GPR137B: variants seen among roughly 807,000 people sequenced by gnomAD.
The protein encoded by GPR137B is G protein-coupled receptor 137B, also known as integral membrane protein GPR137B.
A neutral mutation model predicts 42.5 loss-of-function variants in GPR137B; 42 were observed. That is an observed-to-expected ratio of 0.99 (90% CI 0.77 to 1.28). The LOEUF (loss-of-function observed/expected upper bound fraction) is 1.28, where lower values mean the gene tolerates loss of function less well. Among genes scored for constraint, GPR137B ranks in the 50% most tolerant of loss-of-function variants. GPR137B has a pLI of 0.00. For synonymous variants in GPR137B, 218 were observed against 209.7 expected, an observed-to-expected ratio of 1.04 and a Z score of -0.34; for missense variants, 487 against 493.9, an observed-to-expected ratio of 0.99 and a Z score of 0.13.
At chr1:236,205,854 T>C (rs1292560862) in intron 6 of GPR137B, among the ~76,000 whole-genome samples, 1 of 152,196 alleles carries the variant, frequency 6.6e-6, no homozygotes, top group African/African-American at 2.4e-5. Flanking sequence ...AAAAAACTTT[T>C]TAGAAAATGC....
rs532705148 is a variant in GPR137B, at chr1:236,203,718, T to C, written c.967-1408T>C. 9.8e-5 allele frequency among the ~76,000 whole-genome samples: 15 copies of C among 152,348 alleles called. No individual in the cohort carries two copies. The East Asian group carries it at 2.9e-3, about 29-fold the overall frequency. On this transcript the variant is annotated intron_variant, in intron 5 of 6. Transcript: ENST00000366592. ...TTTAAATGTTTTATAGTTTTCATTA[T>C]AGAGCTCTTTCACTTCTTTGTTTAA... is the stretch of plus-strand genomic sequence containing the variant.
chr1:236,203,097 AGAC>A (rs1663543985), intron 5 of GPR137B, among the ~76,000 whole-genome samples: 1 of 151,796 alleles, frequency 6.6e-6, no homozygotes, highest in Non-Finnish European at 1.5e-5. Context: ...TTTTGTTTTG[AGAC>A]AGAGTCTTGC....
At chr1:236,158,148 G>C (rs975594877) in intron 1 of GPR137B, among the ~76,000 whole-genome samples, 3 of 152,200 alleles carry the variant, frequency 2.0e-5, no homozygotes, top group Non-Finnish European at 4.4e-5. Flanking sequence ...CTGGGGCTGG[G>C]CATGGTGGCT....
Position 236,208,486 on chromosome 1 carries a change from ATGT to A in GPR137B, c.*332_*334del, listed in dbSNP as rs1265722038. 9.2e-5 allele frequency: 82 copies of A among 893,762 alleles called. No individual in the cohort carries two copies. Among genetic ancestry groups the A allele is most frequent in the East Asian group, 1.5e-4 (2 of 12,994 alleles). The allele number at this position is 893,762 out of a possible 1,614,324, so 55.4% of individuals were successfully genotyped here. ...TTTTCTTGAGAATGTTACTGCAATC[ATGT>A]TGTAGTTTGCACAGACTTTTATGCA... On this transcript the variant is annotated 3_prime_UTR_variant, in exon 7 of 7. Coordinates refer to ENST00000366592, the MANE Select transcript of GPR137B (RefSeq NM_003272.4).
chr1:236,170,039 C>CAAAAAAAA (rs11346365), intron 2 of GPR137B, among the ~76,000 whole-genome samples: 1 of 36,842 alleles, frequency 2.7e-5, no homozygotes, highest in Non-Finnish European at 7.5e-5. Flanking sequence ...GAATCCATCT[C>CAAAAAAAA]AAAAAAAAAA....
At chr1:236,168,419 G>C (rs946209938) in intron 1 of GPR137B, among the ~76,000 whole-genome samples, 5 of 136,266 alleles carry the variant, frequency 3.7e-5, no homozygotes, top group African/African-American at 1.4e-4. Context: ...GTGAAATTCT[G>C]TCTCGAAAAA....
rs1456574948 is a variant in GPR137B, at chr1:236,149,861, TATGTGC to T, written c.414+6831_414+6836del. 2.6e-5 allele frequency among the ~76,000 whole-genome samples: 4 copies of T among 152,256 alleles called. No homozygotes were observed. In the East Asian group the frequency reaches 5.8e-4, roughly 22 times the overall value. ...ACCTAGGTGTGCGCCTTTGTATGTG[TATGTGC>T]ATGTGTGCCTGTGTGCACCTGTGTG... On this transcript the variant is annotated intron_variant, in intron 1 of 6. Coordinates refer to ENST00000366592, the MANE Select transcript of GPR137B (RefSeq NM_003272.4).
At chr1:236,187,991 C>T (rs1663081647) in intron 5 of GPR137B, among the ~76,000 whole-genome samples, 2 of 152,124 alleles carry the variant, frequency 1.3e-5, no homozygotes, top group South Asian at 4.1e-4. Context: ...TTGTTTGTGT[C>T]CTCTCTTATT....
intron 4 of GPR137B, among the ~76,000 whole-genome samples, chr1:236,180,859 C>T (rs1455492059): frequency 6.6e-6 from 1 of 152,046 alleles, no homozygotes; most frequent in Non-Finnish European, 1.5e-5. Context: ...TCAGGTGATC[C>T]ACCTGCCTCG....
At chr1:236,176,777 C>T (rs1350780761) in intron 2 of GPR137B, among the ~76,000 whole-genome samples, 4 of 152,126 alleles carry the variant, frequency 2.6e-5, no homozygotes, top group African/African-American at 9.7e-5. Flanking sequence ...AAACCTTCTT[C>T]GTGGAGACCC....
At chr1:236,169,172 C>CTGCAGGTGCAGG (rs879888159) in intron 2 of GPR137B, among the ~76,000 whole-genome samples, 99 of 148,812 alleles carry the variant, frequency 6.7e-4, no homozygotes, top group East Asian at 1.4e-3. Flanking sequence ...CATGCTCCCA[C>CTGCAGGTGCAGG]TGCAGGTGCA....
Position 236,146,309 on chromosome 1 carries a change from G to T in GPR137B, c.414+3273G>T, listed in dbSNP as rs538539485. Among the ~76,000 whole-genome samples the T allele has an allele frequency of 3.3e-5, 5 of 152,316 alleles. No homozygotes were observed. In the South Asian group the frequency reaches 1.0e-3, roughly 32 times the overall value. The stretch of plus-strand genomic sequence containing the variant: ...CACTGAAGGGAATGGTTATTGAAGC[G>T]TCAGGAGACTTGAATGAGACATGAG... On this transcript the variant is annotated intron_variant, in intron 1 of 6. Transcript: ENST00000366592.
intron 1 of GPR137B, among the ~76,000 whole-genome samples, chr1:236,144,594 C>T (rs1024387673): frequency 3.9e-5 from 6 of 152,238 alleles, no homozygotes; most frequent in East Asian, 3.9e-4. Context: ...GTAAGTCCAG[C>T]GCATCAGCAT....
intron 5 of GPR137B, among the ~76,000 whole-genome samples, chr1:236,186,919 T>G (rs1304328737): frequency 6.6e-6 from 1 of 152,214 alleles, no homozygotes; most frequent in African/African-American, 2.4e-5. Flanking sequence ...CTTGAGGAAT[T>G]GCCACACTGT....
chr1:236,160,457 T>C (rs73121090), intron 1 of GPR137B, among the ~76,000 whole-genome samples: 3,408 of 152,176 alleles, frequency 0.022, 132 homozygotes, highest in African/African-American at 0.078. Flanking sequence ...AGACCCCTCC[T>C]TGCTGCCTCA....
At chr1:236,163,584 G>A (rs746316773) in intron 1 of GPR137B, among the ~76,000 whole-genome samples, 22 of 152,130 alleles carry the variant, frequency 1.4e-4, no homozygotes, top group Non-Finnish European at 2.8e-4. Context: ...CACGGGGGCC[G>A]GTCTTTCTTG....
At chr1:236,158,547 T>G (rs1662096965) in intron 1 of GPR137B, among the ~76,000 whole-genome samples, 1 of 152,230 alleles carries the variant, frequency 6.6e-6, no homozygotes, top group Non-Finnish European at 1.5e-5. Context: ...TAATATAAAG[T>G]TTCAACCTGC....
intron 2 of GPR137B, among the ~76,000 whole-genome samples, chr1:236,176,349 C>G (rs528598947): frequency 1.4e-3 from 208 of 152,238 alleles, no homozygotes; most frequent in Non-Finnish European, 2.3e-3. Context: ...GGCACTGTTC[C>G]CATCCCACTG....
intron 2 of GPR137B, among the ~76,000 whole-genome samples, chr1:236,172,681 G>A (rs990020212): frequency 2.0e-5 from 3 of 149,036 alleles, no homozygotes; most frequent in Non-Finnish European, 3.0e-5. Context: ...AGTGAGCCAG[G>A]TTTTCCTTTT....
Sources: gnomAD v4.1 joint callset for allele counts (sites outside exome capture counted in the v4.1 genomes callset) on GRCh38, gnomAD v4.1.1 for gene constraint, MANE v1.5 for transcripts, NCBI Gene and HGNC (gene_info 2026-07-23, HGNC 2026-07-21) for gene names.